The following SMARCB1 variants were observed in gnomAD, a reference collection of about 807,000 sequenced individuals.
SMARCB1 encodes the protein SWI/SNF-related matrix-associated actin-dependent regulator of chromatin subfamily B member 1.
Under a neutral mutation model 49.0 loss-of-function variants are expected in SMARCB1, and 5 were observed. That is an observed-to-expected ratio of 0.10 (90% CI 0.05 to 0.21). The LOEUF (loss-of-function observed/expected upper bound fraction) is 0.21, where lower values mean the gene tolerates loss of function less well. Ranked by LOEUF, SMARCB1 falls within the 10% of genes least tolerant of loss-of-function variation. The pLI, the probability that SMARCB1 is intolerant of heterozygous loss-of-function variation, is 1.00. For synonymous variants in SMARCB1, 201 were observed against 200.1 expected (o/e 1.00, Z -0.04); for missense variants, 226 against 509.2 (o/e 0.44, Z 5.35).
At position 23,791,700 on chromosome 22, in the gene SMARCB1, T is replaced by G. The variant is rs1250805604; in HGVS notation, c.94-56T>G. 2.5e-6 allele frequency: 4 copies of G among 1,582,340 alleles called. No homozygotes were observed. In the African/African-American group the frequency reaches 5.4e-5, roughly 21 times the overall value. ...CTTGATGCAGTCTGCGCCAGGACCC[T>G]CCCCTTCCCTGTGGTGCTGCGACCC... On this transcript the variant is annotated intron_variant, in intron 1 of 8. Coordinates refer to ENST00000644036, the MANE Select transcript of SMARCB1 (RefSeq NM_003073.5).
intron 3 of SMARCB1, among the ~76,000 whole-genome samples, chr22:23,798,774 G>C (rs1424306752): frequency 2.0e-5 from 3 of 152,098 alleles, no homozygotes; most frequent in Admixed American, 2.0e-4. Context: ...TTGTCGGCCG[G>C]GCGCGGTGAC....
At chr22:23,807,529 T>C (rs1929568591) in intron 5 of SMARCB1, among the ~76,000 whole-genome samples, 1 of 151,960 alleles carries the variant, frequency 6.6e-6, no homozygotes, top group African/African-American at 2.4e-5. Context: ...GAGCCGTGAT[T>C]GAGCCACTGC....
At chr22:23,794,664 C>T (rs9608182) in intron 3 of SMARCB1, among the ~76,000 whole-genome samples, 3 of 152,130 alleles carry the variant, frequency 2.0e-5, no homozygotes, top group Non-Finnish European at 4.4e-5. Context: ...TTTGGGAGGC[C>T]GAGGTGGGCA....
At chr22:23,813,216 C>T (rs746883136) in intron 5 of SMARCB1, among the ~76,000 whole-genome samples, 13 of 152,214 alleles carry the variant, frequency 8.5e-5, no homozygotes, top group Non-Finnish European at 1.6e-4. Flanking sequence ...TGCCAGAGAC[C>T]AGGAACAAGC....
intron 7 of SMARCB1, among the ~76,000 whole-genome samples, chr22:23,827,278 C>T (rs990876201): frequency 6.6e-6 from 1 of 152,248 alleles, no homozygotes; most frequent in African/African-American, 2.4e-5. Context: ...AGTCCAGGGT[C>T]AGGAACTGAA....
chr22:23,822,055 T>C lies in SMARCB1; in HGVS notation c.796-3170T>C, dbSNP rs534142551. Among the ~76,000 whole-genome samples the C allele has an allele frequency of 2.9e-4, 44 of 152,282 alleles. 2 individuals carry two copies. The South Asian group carries it at 8.7e-3, about 30-fold the overall frequency. Reference sequence around the variant, plus strand: ...CTTTGTCTTGATCCTGGAACATGACTGAAGGAAAACAAGAATCTTTGGAGC... The same window carrying C: ...CTTTGTCTTGATCCTGGAACATGACCGAAGGAAAACAAGAATCTTTGGAGC... On this transcript the variant is annotated intron_variant, in intron 6 of 8. Coordinates refer to ENST00000644036, the MANE Select transcript of SMARCB1 (RefSeq NM_003073.5).
At chr22:23,787,382 C>CTT in intron 1 of SMARCB1, 120 bp downstream of exon 1, 2 of 489,580 alleles carry the variant, frequency 4.1e-6, no homozygotes, top group Admixed American at 4.6e-5. Context: ...CGCGCGCGCG[C>CTT]TCGGGGCTGT....
At chr22:23,796,700 C>T (rs929344139) in intron 3 of SMARCB1, among the ~76,000 whole-genome samples, 3 of 152,126 alleles carry the variant, frequency 2.0e-5, no homozygotes, top group Non-Finnish European at 4.4e-5. Context: ...ATATGGAGGG[C>T]ACTTTAATTC....
chr22:23,815,161 G>A (rs974347134), intron 5 of SMARCB1: 8 of 152,164 alleles, frequency 5.3e-5, no homozygotes, highest in Non-Finnish European at 8.8e-5. Flanking sequence ...TGGAGGAACT[G>A]GGTCACTCAC....
chr22:23,832,057 C>T (rs902395645), intron 7 of SMARCB1, among the ~76,000 whole-genome samples: 2 of 152,210 alleles, frequency 1.3e-5, no homozygotes, highest in South Asian at 2.1e-4. Flanking sequence ...CAGTGCCCTG[C>T]GCTGTGCCCA....
intron 3 of SMARCB1, among the ~76,000 whole-genome samples, chr22:23,794,261 A>T (rs1028395958): frequency 1.3e-5 from 2 of 152,224 alleles, no homozygotes; most frequent in Admixed American, 1.3e-4. Context: ...GTATTGAAAC[A>T]CTTTTTAACA....
chr22:23,792,347 T>C lies in SMARCB1; in HGVS notation c.232+453T>C, dbSNP rs974982729. On this transcript the variant is annotated intron_variant, in intron 2 of 8. Coordinates refer to ENST00000644036, the MANE Select transcript of SMARCB1 (RefSeq NM_003073.5). ...TAGCACTTCATCCTGGCAGCCAGTG[T>C]GCTAGAGCCCATGTGCATGTCCCTG... 3 of 333,582 alleles carry C rather than the reference T, an allele frequency of 9.0e-6. No homozygotes were observed. The East Asian group carries it at 2.3e-4, about 26-fold the overall frequency. The allele number at this position is 333,582 out of a possible 1,614,324, so 20.7% of individuals were successfully genotyped here. A position where few individuals can be genotyped will look rare whatever the true frequency, so the allele number is the denominator to read the frequency against.
At chr22:23,830,649 C>CTTTTTTTTTTTTTTTTTTTTTTTT (rs56800497) in intron 7 of SMARCB1, among the ~76,000 whole-genome samples, 9 of 95,444 alleles carry the variant, frequency 9.4e-5, no homozygotes, top group Non-Finnish European at 1.5e-4. Flanking sequence ...TCCAATTTAT[C>CTTTTTTTTTTTTTTTTTTTTTTTT]TTTTTTTTTT....
At chr22:23,833,547 C>T (rs1256925949) in intron 7 of SMARCB1, 25 bp from the exon 8 acceptor site, 24 of 1,614,042 alleles carry the variant, frequency 1.5e-5, no homozygotes, top group Non-Finnish European at 1.9e-5. Context: ...AAAGTCATTC[C>T]TCTCACTGCC....
At chr22:23,817,931 T>C (rs549966034) in intron 6 of SMARCB1, 1 of 152,022 alleles carries the variant, frequency 6.6e-6, no homozygotes, top group South Asian at 2.1e-4. Context: ...GTTCAAGCAA[T>C]TCTCCTGTCT....
chr22:23,793,608 G>A lies in SMARCB1; in HGVS notation c.282G>A (p.Ser94=), dbSNP rs149773283. The A allele has an allele frequency of 3.4e-5, 55 of 1,613,878 alleles. No homozygotes were observed. The African/African-American group carries it at 5.6e-4, about 16-fold the overall frequency. ...CCAGTGTGACCCTGTTAAAAGCCTC[G>A]GAAGTGGAAGAGATTCTGGATGGCA... ...LATSVTLLKA[S]EVEEILDGND... The change falls in exon 3 of 9, where the codon TCG becomes TCA. Residue 94 remains serine (S), a synonymous_variant. Transcript: ENST00000644036.
At chr22:23,813,835 ATTATTT>A (rs763600897) in intron 5 of SMARCB1, among the ~76,000 whole-genome samples, 2 of 152,032 alleles carry the variant, frequency 1.3e-5, no homozygotes, top group South Asian at 2.1e-4. Context: ...TATTATTATT[ATTATTT>A]TTTTTTGAGA....
At chr22:23,824,868 G>A (rs2030292637) in intron 6 of SMARCB1, 1 of 375,262 alleles carries the variant, frequency 2.7e-6, no homozygotes. Flanking sequence ...CCTTTCTGGT[G>A]TAGTCACGTA....
chr22:23,827,631 G>A (rs527898506), intron 7 of SMARCB1, among the ~76,000 whole-genome samples: 1 of 152,332 alleles, frequency 6.6e-6, no homozygotes, highest in East Asian at 1.9e-4. Flanking sequence ...AGGCCATCCC[G>A]CTGGGACCAA....
Sources: gnomAD v4.1 joint callset for allele counts (sites outside exome capture counted in the v4.1 genomes callset) on GRCh38, gnomAD v4.1.1 for gene constraint, MANE v1.5 for transcripts, NCBI Gene and HGNC (gene_info 2026-07-23, HGNC 2026-07-21) for gene names.